The following EYS variants were observed in gnomAD, a reference collection of about 807,000 sequenced individuals.
EYS encodes EGF-like photoreceptor maintenance factor, also known as protein eyes shut homolog.
EYS carries 250 observed loss-of-function variants against 282.1 expected under a neutral mutation model. That is an observed-to-expected ratio of 0.89 (90% CI 0.80 to 0.98). The LOEUF (loss-of-function observed/expected upper bound fraction) is 0.98, where lower values mean the gene tolerates loss of function less well. Among genes scored for constraint, EYS ranks in the 50% least tolerant of loss-of-function variants. The probability of loss-of-function intolerance (pLI) is 0.00; values close to 1 mark genes in which losing one functional copy is unlikely to be tolerated. For synonymous variants in EYS, 1,355 were observed against 1,282.9 expected, an observed-to-expected ratio of 1.06 and a Z score of -1.20; for missense variants, 4,016 against 3,709.0, an observed-to-expected ratio of 1.08 and a Z score of -2.15.
chr6:65,372,749 C>T (rs1002471646), intron 8 of EYS, among the ~76,000 whole-genome samples: 6 of 151,874 alleles, frequency 4.0e-5, no homozygotes, highest in African/African-American at 7.2e-5. Context: ...TAAGGAAGTT[C>T]GCCATCCTTA....
intron 5 of EYS, among the ~76,000 whole-genome samples, chr6:65,472,675 T>C (rs1157843084): frequency 3.9e-5 from 6 of 152,116 alleles, no homozygotes; most frequent in East Asian, 3.9e-4. Flanking sequence ...TGAGATAAAG[T>C]TCAAAGAGAG....
chr6:65,048,398 C>G (rs1022301163), intron 13 of EYS, among the ~76,000 whole-genome samples: 1 of 151,844 alleles, frequency 6.6e-6, no homozygotes, highest in Non-Finnish European at 1.5e-5. Flanking sequence ...CTGTCCAATC[C>G]TATTTAGGAC....
chr6:64,269,050 A>G (rs1226996457), intron 30 of EYS, among the ~76,000 whole-genome samples: 4 of 152,138 alleles, frequency 2.6e-5, no homozygotes, highest in African/African-American at 7.2e-5. Flanking sequence ...TGATGTTTCT[A>G]TTAGAGAATC....
intron 35 of EYS, among the ~76,000 whole-genome samples, chr6:63,879,384 G>A (rs1016728319): frequency 6.6e-6 from 1 of 152,128 alleles, no homozygotes; most frequent in African/African-American, 2.4e-5. Context: ...TACAATGCTG[G>A]TTGGTGGAGA....
chr6:65,607,925 A>G (rs1765857820), intron 2 of EYS, among the ~76,000 whole-genome samples: 1 of 152,016 alleles, frequency 6.6e-6, no homozygotes, highest in South Asian at 2.1e-4. Context: ...GAAAGCAGCA[A>G]AAGCAAAACA....
chr6:64,462,408 C>G (rs895973272), intron 26 of EYS, among the ~76,000 whole-genome samples: 5 of 152,152 alleles, frequency 3.3e-5, no homozygotes, highest in Non-Finnish European at 7.3e-5. Flanking sequence ...ATGCAGAATT[C>G]TCTGACATAT....
chr6:64,544,491 G>A (rs62415786), intron 26 of EYS, among the ~76,000 whole-genome samples: 14,377 of 152,164 alleles, frequency 0.094, 860 homozygotes, highest in East Asian at 0.16. Context: ...ACTTGAAGTA[G>A]CACCAGTCCC....
intron 22 of EYS, chr6:64,631,432 C>T (rs1221730071): frequency 6.6e-6 from 1 of 152,194 alleles, no homozygotes; most frequent in Non-Finnish European, 1.5e-5. Flanking sequence ...CTGCTAGTTA[C>T]CACTTATTAC....
chr6:64,094,179 G>T (rs561863942), intron 31 of EYS, among the ~76,000 whole-genome samples: 3 of 152,062 alleles, frequency 2.0e-5, no homozygotes, highest in Non-Finnish European at 4.4e-5. Context: ...GAGGATTTTC[G>T]CATCGATGTT....
intron 14 of EYS, among the ~76,000 whole-genome samples, chr6:64,975,947 A>T (rs1419487248): frequency 1.3e-5 from 2 of 151,964 alleles, no homozygotes; most frequent in Non-Finnish European, 2.9e-5. Context: ...AACATTTTAT[A>T]CTATATTTTC....
chr6:64,871,697 C>T (rs1433615184), intron 19 of EYS, among the ~76,000 whole-genome samples: 2 of 151,978 alleles, frequency 1.3e-5, no homozygotes, highest in Non-Finnish European at 2.9e-5. Context: ...TACTAAAATG[C>T]TAGTCAGCTC....
At chr6:65,147,956 T>C (rs960857441) in intron 12 of EYS, among the ~76,000 whole-genome samples, 1 of 151,968 alleles carries the variant, frequency 6.6e-6, no homozygotes, top group East Asian at 1.9e-4. Flanking sequence ...CTCACTATCA[T>C]GAGGACATCA....
intron 18 of EYS, among the ~76,000 whole-genome samples, chr6:64,895,758 T>G (rs2150068218): frequency 6.6e-6 from 1 of 152,220 alleles, no homozygotes; most frequent in East Asian, 1.9e-4. Context: ...AGAATCTGAG[T>G]TTATTTTTTA....
At chr6:65,598,801 C>T (rs987542397) in intron 2 of EYS, among the ~76,000 whole-genome samples, 6 of 152,006 alleles carry the variant, frequency 3.9e-5, no homozygotes, top group African/African-American at 1.4e-4. Context: ...TTCAAATTTT[C>T]GCTCTGTCAC....
intron 26 of EYS, among the ~76,000 whole-genome samples, chr6:64,442,020 C>T (rs901328053): frequency 1.4e-4 from 21 of 152,230 alleles, no homozygotes; most frequent in Admixed American, 3.3e-4. Context: ...GAGGTTGGAA[C>T]AGTTTGGAGG....
chr6:64,332,245 A>G (rs1409415383), intron 29 of EYS, among the ~76,000 whole-genome samples: 1 of 152,212 alleles, frequency 6.6e-6, no homozygotes, highest in African/African-American at 2.4e-5. Flanking sequence ...ACCCTGTGAG[A>G]TAGTGTTCGG....
At chr6:65,558,348 C>A (rs569431302) in intron 2 of EYS, among the ~76,000 whole-genome samples, 1 of 152,216 alleles carries the variant, frequency 6.6e-6, no homozygotes, top group Non-Finnish European at 1.5e-5. Flanking sequence ...TGGCTTATGA[C>A]GGTGCCTGGG....
chr6:65,423,178 G>A (rs1328515341), intron 5 of EYS, among the ~76,000 whole-genome samples: 5 of 151,766 alleles, frequency 3.3e-5, no homozygotes, highest in Non-Finnish European at 1.5e-5. Flanking sequence ...GGTTTTTATC[G>A]TTGGGGCATA....
intron 2 of EYS, among the ~76,000 whole-genome samples, chr6:65,610,242 T>C (rs1765947504): frequency 6.6e-6 from 1 of 151,924 alleles, no homozygotes; most frequent in African/African-American, 2.4e-5. Flanking sequence ...TGGTTTTTCT[T>C]TTTTGGTTTC....
Sources: gnomAD v4.1 joint callset for allele counts (sites outside exome capture counted in the v4.1 genomes callset) on GRCh38, gnomAD v4.1.1 for gene constraint, MANE v1.5 for transcripts, NCBI Gene and HGNC (gene_info 2026-07-23, HGNC 2026-07-21) for gene names.